Variants in MPP7 observed in about 807,000 individuals in gnomAD.
The protein encoded by MPP7 is MAGUK p55 subfamily member 7.
In MPP7, 60 loss-of-function variants were observed where a neutral mutation model predicts 76.5. The observed-to-expected ratio is 0.78, with a 90% CI of 0.64 to 0.97. The LOEUF is 0.97. MPP7 is among the 50% of genes least tolerant of loss of function. The probability of loss-of-function intolerance (pLI) is 0.00; values close to 1 mark genes in which losing one functional copy is unlikely to be tolerated. For missense variants in MPP7, 641 were observed against 694.0 expected (o/e 0.92, Z 0.86); for synonymous variants, 237 against 244.5 (o/e 0.97, Z 0.29).
intron 12 of MPP7, among the ~76,000 whole-genome samples, chr10:28,073,666 A>T (rs1033160481): frequency 6.6e-6 from 1 of 152,064 alleles, no homozygotes; most frequent in Non-Finnish European, 1.5e-5. Context: ...GCTACTTGGG[A>T]GGCTGAGGCA....
At chr10:28,238,492 A>T in intron 2 of MPP7, 76 bp downstream of exon 2, 1 of 1,480,488 alleles carries the variant, frequency 6.8e-7, no homozygotes. Context: ...GCATTTGCTT[A>T]AAGCATGCTG....
chr10:28,183,369 G>A (rs991240616), intron 3 of MPP7, among the ~76,000 whole-genome samples: 40 of 152,236 alleles, frequency 2.6e-4, no homozygotes, highest in Non-Finnish European at 1.8e-4. Flanking sequence ...CATTTTAAGG[G>A]AAAGAAAAGT....
intron 2 of MPP7, among the ~76,000 whole-genome samples, chr10:28,221,996 TAAAGTTCTCTTCTAAGAGGAA>T (rs1838525444): frequency 6.6e-6 from 1 of 152,146 alleles, no homozygotes; most frequent in African/African-American, 2.4e-5. Context: ...TATCCATCCC[TAAAGTTCTCTTCTAAGAGGAA>T]AAGGTCATGT....
At chr10:28,262,198 T>TATAC (rs1554860391) in intron 1 of MPP7, among the ~76,000 whole-genome samples, 9 of 22,990 alleles carry the variant, frequency 3.9e-4, no homozygotes, top group African/African-American at 1.1e-3. Context: ...TATATATATA[T>TATAC]ATATATATAC....
At chr10:28,216,542 G>A (rs2134042690) in intron 2 of MPP7, among the ~76,000 whole-genome samples, 1 of 152,270 alleles carries the variant, frequency 6.6e-6, no homozygotes, top group South Asian at 2.1e-4. Context: ...TGAAATAGTT[G>A]CAGAGTCATT....
chr10:28,243,066 T>C (rs1055028487), intron 1 of MPP7, among the ~76,000 whole-genome samples: 4 of 152,110 alleles, frequency 2.6e-5, no homozygotes, highest in Non-Finnish European at 5.9e-5. Context: ...CTGGCTGCTT[T>C]GATCATGGAA....
In MPP7 at chr10:28,267,929, G is replaced by A. The variant is rs1347260682; in HGVS notation, c.-131-29194C>T. ...TGCATGCCTGTAATCCCAGCTATTC[G>A]GGAGGCTAAGGTGGGAGGATAGCTG... On this transcript the variant is annotated intron_variant, in intron 1 of 16. Transcript: ENST00000683449. Among the ~76,000 whole-genome samples the A allele has an allele frequency of 6.6e-5, 10 of 151,824 alleles. No homozygotes were observed. The South Asian group carries it at 8.3e-4, about 13-fold the overall frequency.
intron 3 of MPP7, among the ~76,000 whole-genome samples, chr10:28,186,365 A>C (rs1837237647): frequency 6.6e-6 from 1 of 151,902 alleles, no homozygotes; most frequent in African/African-American, 2.4e-5. Flanking sequence ...AAAAAGAGAA[A>C]GAAAGAGAGA....
intron 3 of MPP7, among the ~76,000 whole-genome samples, chr10:28,184,598 C>T (rs1386961365): frequency 6.7e-6 from 1 of 149,388 alleles, no homozygotes; most frequent in African/African-American, 2.4e-5. Flanking sequence ...ATCCCAGCTA[C>T]TCGGTAGGCT....
At chr10:28,155,823 C>T (rs1426367342) in intron 3 of MPP7, among the ~76,000 whole-genome samples, 2 of 152,044 alleles carry the variant, frequency 1.3e-5, no homozygotes, top group Non-Finnish European at 2.9e-5. Context: ...GTGCAGATGA[C>T]TTTGGGGTTC....
intron 3 of MPP7, among the ~76,000 whole-genome samples, chr10:28,173,122 T>C (rs1034819869): frequency 6.6e-6 from 1 of 151,052 alleles, no homozygotes; most frequent in African/African-American, 2.4e-5. Flanking sequence ...AAGTAGTGGT[T>C]CCCCAGACAG....
chr10:28,273,372 C>G (rs1840388425), intron 1 of MPP7, among the ~76,000 whole-genome samples: 1 of 152,190 alleles, frequency 6.6e-6, no homozygotes. Context: ...AGAATTCTAT[C>G]TAGAAAAAGA....
intron 3 of MPP7, among the ~76,000 whole-genome samples, chr10:28,161,122 CTTCTT>C: frequency 6.6e-6 from 1 of 152,326 alleles, no homozygotes; most frequent in Non-Finnish European, 1.5e-5. Flanking sequence ...CTATTATCAT[CTTCTT>C]TTATTTATGG....
chr10:28,147,161 C>T (rs1165367433), intron 5 of MPP7, among the ~76,000 whole-genome samples: 2 of 152,086 alleles, frequency 1.3e-5, no homozygotes, highest in African/African-American at 4.8e-5. Flanking sequence ...CCATTAACTA[C>T]CCAAGTAAAA....
intron 6 of MPP7, among the ~76,000 whole-genome samples, chr10:28,128,097 C>G (rs999932846): frequency 1.3e-5 from 2 of 152,108 alleles, no homozygotes; most frequent in African/African-American, 4.8e-5. Flanking sequence ...TGTGAGGACA[C>G]TGGGCTTTAC....
chr10:28,185,840 A>G (rs1837218546), intron 3 of MPP7, among the ~76,000 whole-genome samples: 1 of 152,198 alleles, frequency 6.6e-6, no homozygotes, highest in South Asian at 2.1e-4. Context: ...ACATGTTTAA[A>G]TCTATCATGT....
At chr10:28,254,620 G>T (rs1456838285) in intron 1 of MPP7, among the ~76,000 whole-genome samples, 3 of 152,120 alleles carry the variant, frequency 2.0e-5, no homozygotes, top group Non-Finnish European at 4.4e-5. Context: ...TATCTTCGGT[G>T]TAAGTTTTAA....
chr10:28,110,577 G>A (rs1449913661), intron 11 of MPP7, among the ~76,000 whole-genome samples: 1 of 152,146 alleles, frequency 6.6e-6, no homozygotes, highest in Non-Finnish European at 1.5e-5. Flanking sequence ...GGAGTAACAG[G>A]GGAATGAAAT....
intron 11 of MPP7, among the ~76,000 whole-genome samples, chr10:28,092,328 A>G: frequency 6.6e-6 from 1 of 152,186 alleles, no homozygotes; most frequent in Non-Finnish European, 1.5e-5. Flanking sequence ...GGTAAAGAGG[A>G]GAAGAGAATA....
Sources: allele counts gnomAD v4.1 joint callset (sites outside exome capture counted in the v4.1 genomes callset), GRCh38; gene constraint gnomAD v4.1.1; transcripts MANE v1.5; gene names NCBI Gene and HGNC (gene_info 2026-07-23, HGNC 2026-07-21).